Variants in NCOA6 observed in about 807,000 individuals in gnomAD.
NCOA6 encodes the protein nuclear receptor coactivator 6.
NCOA6 carries 49 observed loss-of-function variants against 171.4 expected under a neutral mutation model. The observed-to-expected ratio is 0.29, with a 90% CI of 0.23 to 0.36. The LOEUF is 0.36. Ranked by LOEUF, NCOA6 falls within the 10% of genes least tolerant of loss-of-function variation. The probability of loss-of-function intolerance (pLI) is 1.00; values close to 1 mark genes in which losing one functional copy is unlikely to be tolerated. For missense variants in NCOA6, 2,248 were observed against 2,554.5 expected (o/e 0.88, Z 2.59); for synonymous variants, 910 against 927.5 (o/e 0.98, Z 0.34).
At chr20:34,716,520 G>A (rs555305748) in intron 14 of NCOA6, among the ~76,000 whole-genome samples, 10 of 152,300 alleles carry the variant, frequency 6.6e-5, no homozygotes, top group African/African-American at 2.2e-4. Flanking sequence ...GAAGACTGAC[G>A]CAGGAAGCTC....
chr20:34,805,963 G>A (rs1203422882), intron 1 of NCOA6, among the ~76,000 whole-genome samples: 1 of 152,190 alleles, frequency 6.6e-6, no homozygotes, highest in Non-Finnish European at 1.5e-5. Flanking sequence ...TGGGATTACA[G>A]GCGTGAGCCA....
chr20:34,775,308 G>A (rs2077277128), intron 4 of NCOA6, among the ~76,000 whole-genome samples: 1 of 148,690 alleles, frequency 6.7e-6, no homozygotes, highest in East Asian at 1.9e-4. Flanking sequence ...GGGTGTAGGT[G>A]TGTGTGTGTG....
intron 4 of NCOA6, among the ~76,000 whole-genome samples, 182 bp from the exon 5 acceptor site, chr20:34,768,768 T>C (rs560627289): frequency 8.5e-5 from 13 of 152,304 alleles, no homozygotes; most frequent in Admixed American, 7.8e-4. Flanking sequence ...GCAGGTTTCA[T>C]GAAGCACAAG....
intron 13 of NCOA6, among the ~76,000 whole-genome samples, chr20:34,730,291 T>C (rs1458166158): frequency 2.6e-5 from 4 of 152,030 alleles, no homozygotes; most frequent in African/African-American, 9.7e-5. Flanking sequence ...GGTCTCCCTA[T>C]GTTGCCCAGG....
intron 1 of NCOA6, among the ~76,000 whole-genome samples, chr20:34,796,826 A>T (rs1022248707): frequency 1.4e-5 from 2 of 147,342 alleles, no homozygotes; most frequent in Non-Finnish European, 3.0e-5. Flanking sequence ...TCTCAAATTA[A>T]AAAAAAAAAA....
chr20:34,734,495 T>C (rs1251592012), intron 12 of NCOA6, among the ~76,000 whole-genome samples: 2 of 152,124 alleles, frequency 1.3e-5, no homozygotes, highest in African/African-American at 4.8e-5. Context: ...GTAGTATGCA[T>C]GCCAAGCCCA....
intron 8 of NCOA6, 34 bp from the exon 9 acceptor site, chr20:34,750,553 A>C: frequency 5.2e-6 from 8 of 1,534,908 alleles, no homozygotes; most frequent in Non-Finnish European, 6.1e-6. Flanking sequence ...TTTCAGAAAT[A>C]AATATTTTTA....
At chr20:34,734,560 A>G (rs2075891412) in intron 12 of NCOA6, among the ~76,000 whole-genome samples, 1 of 152,010 alleles carries the variant, frequency 6.6e-6, no homozygotes, top group Non-Finnish European at 1.5e-5. Flanking sequence ...TGCCCAAGGT[A>G]GTCTTGAACC....
At chr20:34,769,720 G>A (rs2077087011) in intron 4 of NCOA6, among the ~76,000 whole-genome samples, 1 of 151,744 alleles carries the variant, frequency 6.6e-6, no homozygotes, top group Non-Finnish European at 1.5e-5. Flanking sequence ...CATAGGTAAT[G>A]TTACTAGAAG....
intron 1 of NCOA6, among the ~76,000 whole-genome samples, chr20:34,793,699 A>G (rs900290739): frequency 6.6e-6 from 1 of 152,202 alleles, no homozygotes; most frequent in Non-Finnish European, 1.5e-5. Flanking sequence ...TCTGCAAAGC[A>G]AAAAACATTG....
At chr20:34,755,027 T>C (rs1354438299) in intron 7 of NCOA6, among the ~76,000 whole-genome samples, 159 bp from the exon 8 acceptor site, 2 of 152,116 alleles carry the variant, frequency 1.3e-5, no homozygotes, top group Non-Finnish European at 2.9e-5. Context: ...GGAAAGATGG[T>C]TAAAAAAATC....
chr20:34,752,260 C>T (rs1243311822), intron 8 of NCOA6, among the ~76,000 whole-genome samples: 4 of 152,234 alleles, frequency 2.6e-5, no homozygotes, highest in African/African-American at 7.2e-5. Context: ...ACCTTGTTCA[C>T]ACTATCCAGA....
intron 8 of NCOA6, among the ~76,000 whole-genome samples, chr20:34,751,007 C>T (rs1349554129): frequency 6.6e-6 from 1 of 151,546 alleles, no homozygotes; most frequent in Non-Finnish European, 1.5e-5. Flanking sequence ...AGTGAAACCC[C>T]GTCTCAAAAA....
rs906808408 is a variant in NCOA6 at position 34,751,295 on chromosome 20, G to A, written c.1676-776C>T. On this transcript the variant is annotated intron_variant, in intron 8 of 14. Coordinates refer to ENST00000359003, the MANE Select transcript of NCOA6 (RefSeq NM_014071.5). ...TGAGGCAGGAGAATGGCGTGAACCC[G>A]GGAAGCGGAGCTTGCAGTGAGCCGA... Among the ~76,000 whole-genome samples the A allele has an allele frequency of 1.9e-4, 28 of 145,254 alleles. No homozygotes were observed. In the East Asian group the frequency reaches 4.4e-3, roughly 23 times the overall value.
At chr20:34,802,595 G>A (rs777198509) in intron 1 of NCOA6, among the ~76,000 whole-genome samples, 6 of 142,304 alleles carry the variant, frequency 4.2e-5, no homozygotes, top group Admixed American at 1.4e-4. Flanking sequence ...GCAAGACTCC[G>A]TCTCAAAAAA....
chr20:34,796,221 G>T (rs1302748949), intron 1 of NCOA6, among the ~76,000 whole-genome samples: 1 of 151,504 alleles, frequency 6.6e-6, no homozygotes, highest in Non-Finnish European at 1.5e-5. Flanking sequence ...TGTTGCCCAG[G>T]CTTATCTCAA....
chr20:34,795,442 C>T (rs901892067), intron 1 of NCOA6, among the ~76,000 whole-genome samples: 3 of 152,150 alleles, frequency 2.0e-5, no homozygotes, highest in Non-Finnish European at 4.4e-5. Flanking sequence ...AAGTGCCTAA[C>T]CTAGGTCTAA....
chr20:34,786,594 C>G (rs920268779), intron 2 of NCOA6, among the ~76,000 whole-genome samples: 1 of 152,152 alleles, frequency 6.6e-6, no homozygotes, highest in Non-Finnish European at 1.5e-5. Context: ...GCCTTAATTT[C>G]ATTATTTACC....
chr20:34,744,417 T>C (rs1461498148), intron 10 of NCOA6, among the ~76,000 whole-genome samples: 1 of 152,190 alleles, frequency 6.6e-6, no homozygotes, highest in Non-Finnish European at 1.5e-5. Context: ...TGGGCATATA[T>C]GGGATACAAT....
Sources: allele counts gnomAD v4.1 joint callset (sites outside exome capture counted in the v4.1 genomes callset), GRCh38; gene constraint gnomAD v4.1.1; transcripts MANE v1.5; gene names NCBI Gene and HGNC (gene_info 2026-07-23, HGNC 2026-07-21).